Variants in DIS3L2 observed in about 807,000 individuals in gnomAD.
DIS3L2 encodes DIS3 like 3'-5' exoribonuclease 2, also known as DIS3-like exonuclease 2.
In DIS3L2, 34 loss-of-function variants were observed where a neutral mutation model predicts 97.5. That is an observed-to-expected ratio of 0.35 (90% CI 0.27 to 0.46). The LOEUF (loss-of-function observed/expected upper bound fraction) is 0.46. DIS3L2 is among the 20% of genes least tolerant of loss of function. The pLI is 1.00. For missense variants in DIS3L2, 1,038 were observed against 1,146.0 expected (o/e 0.91, Z 1.36); for synonymous variants, 435 against 445.2 (o/e 0.98, Z 0.29).
At chr2:232,302,965 C>A (rs960112987) in intron 14 of DIS3L2, among the ~76,000 whole-genome samples, 2 of 152,128 alleles carry the variant, frequency 1.3e-5, no homozygotes. Flanking sequence ...ACCTCTCTGG[C>A]AGGGTTGCAT....
At position 232,028,232 on chromosome 2, in the gene DIS3L2, C is replaced by CT. The variant is rs564293421; in HGVS notation, c.265-1739dup. On this transcript the variant is annotated intron_variant, in intron 4 of 20. Transcript: ENST00000325385. ...GGAAGTTCATTATCTATTTTTCTTT[C>CT]TTTTTTTTCTATTATCTATTCTTTC... Among the ~76,000 whole-genome samples the CT allele has an allele frequency of 2.1e-4, 32 of 152,040 alleles. No individual in the cohort carries two copies. The South Asian group carries it at 5.6e-3, about 27-fold the overall frequency.
chr2:232,121,217 C>A (rs1697894051), intron 6 of DIS3L2, among the ~76,000 whole-genome samples: 1 of 152,194 alleles, frequency 6.6e-6, no homozygotes, highest in Non-Finnish European at 1.5e-5. Context: ...GACCTTGTCA[C>A]TAAGGCCACA....
intron 6 of DIS3L2, among the ~76,000 whole-genome samples, chr2:232,130,026 G>A (rs1346044175): frequency 6.6e-6 from 1 of 152,122 alleles, no homozygotes; most frequent in Non-Finnish European, 1.5e-5. Flanking sequence ...TGTGCGTTTT[G>A]TAAGTTTTTT....
Position 232,158,272 on chromosome 2 carries a change from A to C in DIS3L2, c.951-5187A>C, listed in dbSNP as rs546332527. ...AGGGTCAGTTGGAACTAGGCATTCA[A>C]GGTACTCAAACCTTTCTGCATCCTC... On this transcript the variant is annotated intron_variant, in intron 8 of 20. Coordinates refer to ENST00000325385, the MANE Select transcript of DIS3L2 (RefSeq NM_152383.5). Among the ~76,000 whole-genome samples, 5 of 151,922 alleles carry C rather than the reference A, an allele frequency of 3.3e-5. No homozygotes were observed. The South Asian group carries it at 1.0e-3, about 32-fold the overall frequency.
intron 8 of DIS3L2, among the ~76,000 whole-genome samples, chr2:232,138,195 A>T (rs1051924998): frequency 6.6e-6 from 1 of 151,500 alleles, no homozygotes; most frequent in African/African-American, 2.4e-5. Flanking sequence ...TTTAATTTTT[A>T]TTTTTTTTAT....
rs1693907955 is a variant in DIS3L2 at position 232,268,605 on chromosome 2, G to T, written c.1659+5165G>T. 6.6e-6 allele frequency among the ~76,000 whole-genome samples: 1 copy of T among 152,168 alleles called. No individual in the cohort carries two copies. The highest frequency in any genetic ancestry group is 1.5e-5 in the Non-Finnish European group (1 of 68,030). On this transcript the variant is annotated intron_variant, in intron 13 of 20. Transcript: ENST00000325385. The surrounding 1 kb of genome is among the most constrained non-coding windows in gnomAD (Gnocchi z 4.1). ...CAAAACTTTAAGAACACTGAGATTT[G>T]AATTTTATATAGTTTTCACACATCA...
chr2:232,232,478 G>A lies in DIS3L2; in HGVS notation c.1205-6055G>A, dbSNP rs910694906. Among the ~76,000 whole-genome samples the A allele has an allele frequency of 5.3e-5, 8 of 152,314 alleles. No homozygotes were observed. The East Asian group carries it at 1.5e-3, about 29-fold the overall frequency. ...CCAAGGTGACAGTGGTGGGAAGGAA[G>A]ACATATGGGCAGATGTGAGAGACGT... is the stretch of plus-strand genomic sequence containing the variant. On this transcript the variant is annotated intron_variant, in intron 10 of 20. Coordinates refer to ENST00000325385, the MANE Select transcript of DIS3L2 (RefSeq NM_152383.5).
rs953870227 is a variant in DIS3L2 at position 232,249,273 on chromosome 2, A to C, written c.1352A>C (p.Glu451Ala). ...ATGCTTCCCAGGCTGCTGTGTGAGG[A>C]GCTGTGCAGCCTCAACCCCATGTCC... ...VPMLPRLLCE[E>A]LCSLNPMSDK... The change falls in exon 12 of 21, where the codon GAG (glutamate) becomes GCG (alanine). Residue 451 changes from glutamate to alanine, a missense_variant. By Grantham distance (107) the Glu-to-Ala change is moderately radical. Around this residue, in one of 3 missense-constraint regions of DIS3L2, gnomAD observed 813 missense variants for 880.1 expected, o/e 0.92. Coordinates refer to ENST00000325385, the MANE Select transcript of DIS3L2 (RefSeq NM_152383.5). The C allele has an allele frequency of 1.9e-6, 3 of 1,614,156 alleles. No individual in the cohort carries two copies. Among genetic ancestry groups the C allele is most frequent in the East Asian group, 4.5e-5 (2 of 44,884 alleles).
At chr2:232,174,299 T>C (rs539541102) in intron 9 of DIS3L2, among the ~76,000 whole-genome samples, 1 of 152,064 alleles carries the variant, frequency 6.6e-6, no homozygotes, top group East Asian at 1.9e-4. Flanking sequence ...CAAAAATCAT[T>C]TGTTGGCCGG....
chr2:232,274,074 C>A (rs1373627680), intron 13 of DIS3L2, among the ~76,000 whole-genome samples: 1 of 152,076 alleles, frequency 6.6e-6, no homozygotes, highest in Non-Finnish European at 1.5e-5. Flanking sequence ...GAAAGTGTGC[C>A]CAGATGACTC....
intron 15 of DIS3L2, among the ~76,000 whole-genome samples, chr2:232,330,258 G>T (rs1695697224): frequency 6.6e-6 from 1 of 152,260 alleles, no homozygotes; most frequent in African/African-American, 2.4e-5. Context: ...CCTGTGGCCA[G>T]AAAGGGCTGG....
At chr2:232,135,473 G>T (rs531243020) in intron 7 of DIS3L2, among the ~76,000 whole-genome samples, 2 of 152,184 alleles carry the variant, frequency 1.3e-5, no homozygotes, top group South Asian at 2.1e-4. Flanking sequence ...AGTGGCGAAG[G>T]GGGGTGTCCC....
At chr2:232,225,107 G>T (rs1239369154) in intron 10 of DIS3L2, among the ~76,000 whole-genome samples, 1 of 152,122 alleles carries the variant, frequency 6.6e-6, no homozygotes, top group Non-Finnish European at 1.5e-5. Context: ...TGTTAGGGAG[G>T]GTGTGGAGCA....
chr2:232,226,218 A>G (rs2106238454), intron 10 of DIS3L2, among the ~76,000 whole-genome samples: 1 of 152,318 alleles, frequency 6.6e-6, no homozygotes, highest in African/African-American at 2.4e-5. Flanking sequence ...AAGTTAAGAG[A>G]TACTGGTAAC....
chr2:232,202,233 A>G (rs1316699494), intron 9 of DIS3L2, among the ~76,000 whole-genome samples: 1 of 152,164 alleles, frequency 6.6e-6, no homozygotes, highest in African/African-American at 2.4e-5. Context: ...CCCCATCTCT[A>G]CTAAAAATGC....
At chr2:232,340,971 T>C, downstream of DIS3L2, 1 of 468,768 alleles carries the variant, frequency 2.1e-6, no homozygotes, top group Non-Finnish European at 4.4e-6. Flanking sequence ...ATGAATGCCT[T>C]CCTGGAGGTG....
rs539715245 is a variant in DIS3L2, at chr2:232,196,378, T to C, written c.1125-13948T>C. Reference sequence around the variant, plus strand: ...CACTTATCTCTCTAAACTGAGACTCTAGTAAATAATCTCAATATTTTATAA... The same window carrying C: ...CACTTATCTCTCTAAACTGAGACTCCAGTAAATAATCTCAATATTTTATAA... On this transcript the variant is annotated intron_variant, in intron 9 of 20. Coordinates refer to ENST00000325385, the MANE Select transcript of DIS3L2 (RefSeq NM_152383.5). 2.3e-4 allele frequency among the ~76,000 whole-genome samples: 35 copies of C among 152,362 alleles called. No homozygotes were observed. In the South Asian group the frequency reaches 6.8e-3, roughly 30 times the overall value.
At chr2:232,208,516 G>T (rs936153786) in intron 9 of DIS3L2, among the ~76,000 whole-genome samples, 12 of 152,106 alleles carry the variant, frequency 7.9e-5, no homozygotes, top group Non-Finnish European at 1.5e-5. Context: ...TCACCATGTT[G>T]GCCAGTCTGG....
intron 7 of DIS3L2, among the ~76,000 whole-genome samples, chr2:232,133,460 G>A (rs1698273372): frequency 6.6e-6 from 1 of 152,126 alleles, no homozygotes; most frequent in African/African-American, 2.4e-5. Context: ...GAGACCCAGA[G>A]TGTCTTAACA....
Sources: allele counts gnomAD v4.1 joint callset (sites outside exome capture counted in the v4.1 genomes callset), GRCh38; gene constraint gnomAD v4.1.1; regional missense constraint gnomAD v4.1.1; non-coding constraint Gnocchi (gnomAD v3.1); transcripts MANE v1.5; gene names NCBI Gene and HGNC (gene_info 2026-07-23, HGNC 2026-07-21).